The following SLC7A1 variants were observed in gnomAD, a reference collection of about 807,000 sequenced individuals.
The protein encoded by SLC7A1 is high affinity cationic amino acid transporter 1.
Under a neutral mutation model 53.9 loss-of-function variants are expected in SLC7A1, and 10 were observed. The observed-to-expected ratio is 0.19, with a 90% CI of 0.11 to 0.31. The LOEUF is 0.31. Among genes scored for constraint, SLC7A1 ranks in the 10% least tolerant of loss-of-function variants. The pLI, the probability that SLC7A1 is intolerant of heterozygous loss-of-function variation, is 1.00. For synonymous variants in SLC7A1, 342 were observed against 338.7 expected, an observed-to-expected ratio of 1.01 and a Z score of -0.11; for missense variants, 525 against 827.2, an observed-to-expected ratio of 0.63 and a Z score of 4.48.
intron 1 of SLC7A1, among the ~76,000 whole-genome samples, chr13:29,586,487 A>G (rs74696886): frequency 0.023 from 3,508 of 152,308 alleles, 130 homozygotes; most frequent in African/African-American, 0.079. Flanking sequence ...TTGCACCCAG[A>G]TGGTTTCACT....
At position 29,514,409 on chromosome 13, in the gene SLC7A1, GT is replaced by G; in HGVS notation, c.*70del. The G allele has an allele frequency of 9.1e-7, 1 of 1,103,854 alleles. No individual in the cohort carries two copies. Among genetic ancestry groups the G allele is most frequent in the Non-Finnish European group, 1.4e-6 (1 of 738,884 alleles). The allele number at this position is 1,103,854 out of a possible 1,614,324, so 68.4% of individuals were successfully genotyped here. A position where few individuals can be genotyped will look rare whatever the true frequency, so the allele number is the denominator to read the frequency against. On this transcript the variant is annotated 3_prime_UTR_variant, in exon 13 of 13. Coordinates refer to ENST00000380752, the MANE Select transcript of SLC7A1 (RefSeq NM_003045.5). Reference sequence around the variant, plus strand: ...GGTTTCTGTTGCACTGGTGGGGAGGGTGGGGTGCCTCCCGGTCCTCTGGGGG... The same window carrying G: ...GGTTTCTGTTGCACTGGTGGGGAGGGGGGGTGCCTCCCGGTCCTCTGGGGG...
intron 2 of SLC7A1, among the ~76,000 whole-genome samples, chr13:29,547,466 C>T (rs933818543): frequency 3.3e-5 from 5 of 151,958 alleles, no homozygotes; most frequent in African/African-American, 7.3e-5. Context: ...AGATGGATTA[C>T]GTGTTACATT....
intron 1 of SLC7A1, among the ~76,000 whole-genome samples, chr13:29,555,219 G>C (rs1045070826): frequency 1.4e-5 from 2 of 147,696 alleles, no homozygotes; most frequent in Non-Finnish European, 1.5e-5. Context: ...TTAGCCGGGC[G>C]TAGTGGCGGG....
rs545856923 is a variant in SLC7A1 at position 29,593,056 on chromosome 13, C to T, written c.-115+2360G>A. Reference sequence around the variant, plus strand: ...AGGGGAAGGAGGCCAGCAGCCTGGACGGGTGGCTGCAACACACAGGCAGGC... The same window carrying T: ...AGGGGAAGGAGGCCAGCAGCCTGGATGGGTGGCTGCAACACACAGGCAGGC... On this transcript the variant is annotated intron_variant, in intron 1 of 12. Coordinates refer to ENST00000380752, the MANE Select transcript of SLC7A1 (RefSeq NM_003045.5). 9.5e-4 allele frequency among the ~76,000 whole-genome samples: 145 copies of T among 152,244 alleles called. 1 individual carries two copies. Among genetic ancestry groups the T allele is most frequent in the African/African-American group, 3.3e-3 (137 of 41,536 alleles).
chr13:29,559,686 G>A (rs1015228824), intron 1 of SLC7A1, among the ~76,000 whole-genome samples: 2 of 151,682 alleles, frequency 1.3e-5, no homozygotes, highest in Non-Finnish European at 2.9e-5. Flanking sequence ...TTAGCTTACC[G>A]CAACATTTTT....
At chr13:29,553,297 T>C (rs1355865378) in intron 2 of SLC7A1, among the ~76,000 whole-genome samples, 1 of 152,150 alleles carries the variant, frequency 6.6e-6, no homozygotes, top group East Asian at 1.9e-4. Flanking sequence ...GAGAGAAACA[T>C]GGCAGGACGC....
intron 1 of SLC7A1, among the ~76,000 whole-genome samples, chr13:29,560,141 T>C (rs1870688688): frequency 6.6e-6 from 1 of 152,158 alleles, no homozygotes; most frequent in Non-Finnish European, 1.5e-5. Context: ...TTTTTTGTTT[T>C]TTTTTACTTT....
Position 29,517,761 on chromosome 13 carries a change from T to C in SLC7A1, c.1322A>G (p.Tyr441Cys). Residue 441 changes from tyrosine to cysteine, a missense_variant, in exon 10 of 13, where the codon TAC (tyrosine) becomes TGC (cysteine). Around this residue, in one of 4 missense-constraint regions of SLC7A1, gnomAD observed 122 missense variants for 140.9 expected, o/e 0.87. Coordinates refer to ENST00000380752, the MANE Select transcript of SLC7A1 (RefSeq NM_003045.5). ...CTCGTCGGAAGTACTGGCCATCTGG[T>C]ATACCAGGTTAGGCTGCTCTGGCTG... ...RYQPEQPNLV[Y>C]QMASTSDELD... The C allele has an allele frequency of 8.7e-6, 14 of 1,614,184 alleles. No homozygotes were observed. The highest frequency in any genetic ancestry group is 4.5e-5 in the East Asian group (2 of 44,890).
chr13:29,526,300 A>C (rs1255904078), intron 5 of SLC7A1, among the ~76,000 whole-genome samples: 1 of 145,390 alleles, frequency 6.9e-6, no homozygotes, highest in East Asian at 1.9e-4. Flanking sequence ...CCCCATTAGT[A>C]CAAAAAAAAA....
intron 2 of SLC7A1, among the ~76,000 whole-genome samples, chr13:29,537,060 G>A (rs1002552170): frequency 2.6e-5 from 4 of 152,174 alleles, no homozygotes; most frequent in Non-Finnish European, 4.4e-5. Context: ...GACCAGATGC[G>A]ACAGGTGAGC....
chr13:29,575,739 C>G (rs1871382421), intron 1 of SLC7A1, among the ~76,000 whole-genome samples: 1 of 152,096 alleles, frequency 6.6e-6, no homozygotes, highest in Non-Finnish European at 1.5e-5. Context: ...CAAATGTAGT[C>G]TATTTTCAAT....
At chr13:29,533,110 G>C in intron 3 of SLC7A1, 128 bp from the exon 4 acceptor site, 1 of 906,282 alleles carries the variant, frequency 1.1e-6, no homozygotes, top group East Asian at 2.7e-5. Context: ...GGCAGCAGCA[G>C]CCAGACCACA....
intron 12 of SLC7A1, among the ~76,000 whole-genome samples, chr13:29,515,239 C>A (rs1883519531): frequency 1.3e-5 from 2 of 152,228 alleles, no homozygotes; most frequent in Non-Finnish European, 2.9e-5. Flanking sequence ...GGCTCCTGCA[C>A]ACAGGGACTT....
chr13:29,578,232 T>C (rs1003389783), intron 1 of SLC7A1, among the ~76,000 whole-genome samples: 2 of 152,122 alleles, frequency 1.3e-5, no homozygotes, highest in African/African-American at 4.8e-5. Flanking sequence ...CCTTATCAGA[T>C]TTCTGTCCGG....
rs544977654 is a variant in SLC7A1 at position 29,562,319 on chromosome 13, T to C, written c.-114-8459A>G. On this transcript the variant is annotated intron_variant, in intron 1 of 12. Transcript: ENST00000380752. ...TCACATTGACAGACAAAATTGTATG[T>C]ATTTACTATGTACAACATCATATTT... Among the ~76,000 whole-genome samples, 84 of 152,360 alleles carry C rather than the reference T, an allele frequency of 5.5e-4. No individual in the cohort carries two copies. In the South Asian group the frequency reaches 0.016, roughly 29 times the overall value.
intron 1 of SLC7A1, among the ~76,000 whole-genome samples, chr13:29,582,572 A>G (rs1871694207): frequency 6.6e-6 from 1 of 152,228 alleles, no homozygotes; most frequent in Non-Finnish European, 1.5e-5. Flanking sequence ...TCTAATGGGC[A>G]GATCAGGTCT....
rs544523237 is a variant in SLC7A1, at chr13:29,555,480, CCTAA to C, written c.-114-1624_-114-1621del. On this transcript the variant is annotated intron_variant, in intron 1 of 12. Coordinates refer to ENST00000380752, the MANE Select transcript of SLC7A1 (RefSeq NM_003045.5). ...AAAACACAGTCCACAACCAAATGTC[CCTAA>C]CTGTCAGTTACTGCTATTTCTTGAT... is the stretch of plus-strand genomic sequence containing the variant. 1.7e-4 allele frequency among the ~76,000 whole-genome samples: 26 copies of C among 150,766 alleles called. No homozygotes were observed. In the East Asian group the frequency reaches 3.5e-3, roughly 21 times the overall value.
chr13:29,533,170 G>C (rs1005271509), intron 3 of SLC7A1, among the ~76,000 whole-genome samples, 188 bp from the exon 4 acceptor site: 3 of 152,168 alleles, frequency 2.0e-5, no homozygotes, highest in Non-Finnish European at 2.9e-5. Context: ...GTGCGAGAAG[G>C]CTTCTAGGGC....
intron 10 of SLC7A1, 80 bp from the exon 11 acceptor site, chr13:29,517,390 A>C: frequency 7.0e-7 from 1 of 1,420,810 alleles, no homozygotes; most frequent in Non-Finnish European, 9.7e-7. Flanking sequence ...TCTCCCCTAA[A>C]CTTGTGGAGA....
Sources: allele counts gnomAD v4.1 joint callset (sites outside exome capture counted in the v4.1 genomes callset), GRCh38; gene constraint gnomAD v4.1.1; regional missense constraint gnomAD v4.1.1; transcripts MANE v1.5; gene names NCBI Gene and HGNC (gene_info 2026-07-23, HGNC 2026-07-21).